The following MYT1L variants were observed in gnomAD, a reference collection of about 807,000 sequenced individuals.
MYT1L encodes the protein myelin transcription factor 1-like protein.
MYT1L carries 12 observed loss-of-function variants against 126.7 expected under a neutral mutation model. The observed-to-expected ratio is 0.09, with a 90% CI of 0.06 to 0.15. The LOEUF (loss-of-function observed/expected upper bound fraction) is 0.15. Ranked by LOEUF, MYT1L falls within the 10% of genes least tolerant of loss-of-function variation. The pLI is 1.00. For missense variants in MYT1L, 979 were observed against 1,585.2 expected (o/e 0.62, Z 6.49); for synonymous variants, 541 against 604.2 (o/e 0.90, Z 1.53).
chr2:2,290,583 T>C (rs1559566249), intron 1 of MYT1L, among the ~76,000 whole-genome samples: 2 of 152,218 alleles, frequency 1.3e-5, no homozygotes, highest in Non-Finnish European at 2.9e-5. Flanking sequence ...GTTTAAGAAC[T>C]ACAGGTTAAA....
chr2:1,790,093 C>T lies in MYT1L; in HGVS notation c.*1774G>A, dbSNP rs1026394725. ...TCTATAATCCATCCAGGTTCAGTGTCACAAGGCTACTGACACGAGGAATTG... is the reference window on the plus strand; with the variant it reads ...TCTATAATCCATCCAGGTTCAGTGTTACAAGGCTACTGACACGAGGAATTG... On this transcript the variant is annotated 3_prime_UTR_variant, in exon 25 of 25. Transcript: ENST00000647738. The T allele has an allele frequency of 3.3e-5, 5 of 152,180 alleles. No homozygotes were observed. The highest frequency in any genetic ancestry group is 7.3e-5 in the Non-Finnish European group (5 of 68,036). 9.4% of individuals were successfully genotyped at this position (152,180 alleles called of 1,614,324 possible).
intron 3 of MYT1L, among the ~76,000 whole-genome samples, chr2:2,132,282 C>T (rs993858546): frequency 6.6e-6 from 1 of 151,970 alleles, no homozygotes; most frequent in Non-Finnish European, 1.5e-5. Context: ...TGCACACATA[C>T]GTTTATTGCA....
chr2:2,069,169 C>T (rs542305930), intron 3 of MYT1L, among the ~76,000 whole-genome samples: 1 of 152,180 alleles, frequency 6.6e-6, no homozygotes, highest in South Asian at 2.1e-4. Context: ...GTTTGCTACA[C>T]CCGTCAACTC....
intron 8 of MYT1L, among the ~76,000 whole-genome samples, chr2:1,972,539 A>G (rs565091418): frequency 1.3e-5 from 2 of 152,310 alleles, no homozygotes; most frequent in Non-Finnish European, 2.9e-5. Context: ...GCAATGCTCC[A>G]CATCTCTCAG....
chr2:2,298,637 A>G (rs889072331), intron 1 of MYT1L, among the ~76,000 whole-genome samples: 2 of 152,212 alleles, frequency 1.3e-5, no homozygotes, highest in African/African-American at 4.8e-5. Context: ...TGGGAGGAGT[A>G]AAATAAGATA....
At chr2:1,854,778 G>C (rs1247218392) in intron 18 of MYT1L, among the ~76,000 whole-genome samples, 1 of 152,148 alleles carries the variant, frequency 6.6e-6, no homozygotes, top group Non-Finnish European at 1.5e-5. Context: ...AAGCTGTTTG[G>C]CCCGAGAAGG....
intron 3 of MYT1L, among the ~76,000 whole-genome samples, chr2:2,055,797 C>T (rs1203899455): frequency 6.6e-6 from 1 of 152,208 alleles, no homozygotes; most frequent in Non-Finnish European, 1.5e-5. Flanking sequence ...CGTTAATTTA[C>T]ACAATGACTT....
chr2:2,107,851 C>A (rs567869233), intron 3 of MYT1L, among the ~76,000 whole-genome samples: 2 of 152,224 alleles, frequency 1.3e-5, no homozygotes, highest in East Asian at 1.9e-4. Context: ...GAAGGCGGGC[C>A]GCTGCTCTGC....
intron 5 of MYT1L, among the ~76,000 whole-genome samples, chr2:1,981,258 G>C (rs1173469698): frequency 1.3e-5 from 2 of 152,140 alleles, no homozygotes; most frequent in Non-Finnish European, 2.9e-5. Context: ...AAAAACATAA[G>C]CTCATTTAAT....
chr2:2,102,174 T>G (rs993982689), intron 3 of MYT1L, among the ~76,000 whole-genome samples: 2 of 151,884 alleles, frequency 1.3e-5, no homozygotes, highest in African/African-American at 4.8e-5. Context: ...CCTTCTGAGC[T>G]TTTTTTTATG....
rs879921279 is a variant in MYT1L at position 2,075,990 on chromosome 2, T to C, written c.-303-21867A>G. 2.6e-5 allele frequency among the ~76,000 whole-genome samples: 4 copies of C among 152,218 alleles called. No individual in the cohort carries two copies. In the East Asian group the frequency reaches 7.7e-4, roughly 29 times the overall value. The stretch of plus-strand genomic sequence containing the variant: ...AGCACTGTCCTCAGAGCACAGTCAA[T>C]ATTTTATCTGAAATTGCAGCTCTTA... On this transcript the variant is annotated intron_variant, in intron 3 of 24. Transcript: ENST00000647738.
chr2:2,060,497 C>A (rs1222453117), intron 3 of MYT1L, among the ~76,000 whole-genome samples: 1 of 152,084 alleles, frequency 6.6e-6, no homozygotes, highest in African/African-American at 2.4e-5. Context: ...GTTATTTAGA[C>A]AGATTATATA....
intron 3 of MYT1L, among the ~76,000 whole-genome samples, chr2:2,127,686 C>T (rs956424115): frequency 6.6e-6 from 1 of 152,134 alleles, no homozygotes; most frequent in East Asian, 1.9e-4. Context: ...GACTGAGCTC[C>T]GCAGCTCTCA....
chr2:2,315,639 A>G (rs539157908), intron 1 of MYT1L, among the ~76,000 whole-genome samples: 4 of 152,242 alleles, frequency 2.6e-5, no homozygotes, highest in African/African-American at 4.8e-5. Context: ...TAGTTTCTCA[A>G]TATAATTTAT....
chr2:1,825,393 T>C (rs1288816410), intron 21 of MYT1L: 1 of 152,210 alleles, frequency 6.6e-6, no homozygotes, highest in African/African-American at 2.4e-5. Flanking sequence ...AACAGATACA[T>C]TGGTAGAATT....
At chr2:1,807,021 C>T (rs928215956) in intron 22 of MYT1L, among the ~76,000 whole-genome samples, 3 of 152,174 alleles carry the variant, frequency 2.0e-5, no homozygotes, top group Non-Finnish European at 2.9e-5. Flanking sequence ...GTCTCAAAAG[C>T]GGGGTCCTTA....
chr2:1,926,937 A>G (rs1301074624), intron 9 of MYT1L, among the ~76,000 whole-genome samples: 1 of 152,268 alleles, frequency 6.6e-6, no homozygotes, highest in East Asian at 1.9e-4. Context: ...ATCTTAAAGG[A>G]CAAGTTTATG....
intron 2 of MYT1L, among the ~76,000 whole-genome samples, chr2:2,179,830 T>C (rs1229857525): frequency 1.3e-5 from 2 of 152,240 alleles, no homozygotes; most frequent in Non-Finnish European, 2.9e-5. Flanking sequence ...ATATAAACTA[T>C]ACTTCCTCAC....
intron 5 of MYT1L, among the ~76,000 whole-genome samples, chr2:1,993,967 C>T (rs1193516590): frequency 6.6e-6 from 1 of 152,220 alleles, no homozygotes; most frequent in Non-Finnish European, 1.5e-5. Context: ...ACATTTTTCA[C>T]ATTGATTCAT....
Sources: gnomAD v4.1 joint callset for allele counts (sites outside exome capture counted in the v4.1 genomes callset) on GRCh38, gnomAD v4.1.1 for gene constraint, MANE v1.5 for transcripts, NCBI Gene and HGNC (gene_info 2026-07-23, HGNC 2026-07-21) for gene names.